The following ITGA1 variants were observed in gnomAD, a reference collection of about 807,000 sequenced individuals.
ITGA1 encodes the protein integrin subunit alpha 1, also known as integrin alpha-1.
In ITGA1, 85 loss-of-function variants were observed where a neutral mutation model predicts 145.9. That is an observed-to-expected ratio of 0.58 (90% CI 0.49 to 0.70). ITGA1 has a LOEUF of 0.70. Ranked by LOEUF, ITGA1 falls within the 30% of genes least tolerant of loss-of-function variation. The probability of loss-of-function intolerance (pLI) is 0.00; values close to 1 mark genes in which losing one functional copy is unlikely to be tolerated. For synonymous variants in ITGA1, 520 were observed against 495.3 expected, an observed-to-expected ratio of 1.05 and a Z score of -0.66; for missense variants, 1,351 against 1,418.7, an observed-to-expected ratio of 0.95 and a Z score of 0.77.
chr5:52,937,489 AC>A lies in ITGA1; in HGVS notation c.3056del (p.Pro1019GlnfsTer29). The A allele has an allele frequency of 6.2e-7, 1 of 1,609,936 alleles. No homozygotes were observed. Among genetic ancestry groups the A allele is most frequent in the Non-Finnish European group, 8.5e-7 (1 of 1,176,218 alleles). On this transcript the variant is annotated frameshift_variant, in exon 24 of 29. Coordinates refer to ENST00000282588, the MANE Select transcript of ITGA1 (RefSeq NM_181501.2). LOFTEE classifies it high-confidence loss of function. ...ACATCAAATGGTTACCCTGTGCTGT[AC>A]CCAACTGGATTGTCATCTTCTGAGG... ...NMTSNGYPVL[Y>X]PTGLSSSENA... is the part of the protein sequence containing the mutation.
chr5:52,902,777 G>T (rs544062487), intron 11 of ITGA1: 1 of 152,166 alleles, frequency 6.6e-6, no homozygotes, highest in African/African-American at 2.4e-5. Flanking sequence ...GTTTCATCAT[G>T]TTGGCCAGAC....
At chr5:52,930,459 G>C (rs1750878229) in intron 21 of ITGA1, among the ~76,000 whole-genome samples, 1 of 152,036 alleles carries the variant, frequency 6.6e-6, no homozygotes, top group East Asian at 1.9e-4. Context: ...ATTACTAAGG[G>C]CATGAAACTC....
In ITGA1 at chr5:52,925,343, C is replaced by T. The variant is rs1324995506; in HGVS notation, c.2469C>T (p.Ala823=). 1 of 1,614,100 alleles carries T rather than the reference C, an allele frequency of 6.2e-7. No homozygotes were observed. The highest frequency in any genetic ancestry group is 1.7e-5 in the Admixed American group (1 of 60,026). ...KCISDLSLHV[A]TTEKDLLIVR... ...TCTCAGACCTCAGCCTGCATGTCGC[C>T]ACCACTGAAAAGGACCTGCTGATTG... Residue 823 remains alanine, a synonymous_variant, in exon 19 of 29, where the codon GCC becomes GCT. Transcript: ENST00000282588.
At chr5:52,884,214 C>A (rs901934481) in intron 7 of ITGA1, among the ~76,000 whole-genome samples, 2 of 151,976 alleles carry the variant, frequency 1.3e-5, no homozygotes, top group South Asian at 2.1e-4. Flanking sequence ...GAGTCTGAGG[C>A]GGCTGGATCA....
At chr5:52,836,878 C>A (rs1187987882) in intron 1 of ITGA1, among the ~76,000 whole-genome samples, 5 of 151,870 alleles carry the variant, frequency 3.3e-5, no homozygotes, top group African/African-American at 1.2e-4. Context: ...CCTGTTACTA[C>A]GTCTTCAAAT....
chr5:52,856,575 T>C (rs1458038871), intron 2 of ITGA1, among the ~76,000 whole-genome samples: 6 of 152,060 alleles, frequency 3.9e-5, no homozygotes, highest in Non-Finnish European at 7.4e-5. Context: ...GTATGCCTTA[T>C]CAGTTTAAAT....
In ITGA1 at chr5:52,881,956, A is replaced by C; in HGVS notation, c.708A>C (p.Ala236=). ...CTTCCACCGAAGAGGTACTTGTTGC[A>C]GCAAAGAAAATAGTCCAGAGAGGTG... ...KYSSTEEVLV[A]AKKIVQRGGR... The change falls in exon 7 of 29, where the codon GCA becomes GCC. Residue 236 remains alanine, a synonymous_variant. Coordinates refer to ENST00000282588, the MANE Select transcript of ITGA1 (RefSeq NM_181501.2). The C allele has an allele frequency of 6.2e-7, 1 of 1,614,040 alleles. No homozygotes were observed. The highest frequency in any genetic ancestry group is 8.5e-7 in the Non-Finnish European group (1 of 1,179,916).
intron 23 of ITGA1, among the ~76,000 whole-genome samples, chr5:52,936,896 G>A (rs1419727593): frequency 6.6e-6 from 1 of 150,466 alleles, no homozygotes; most frequent in East Asian, 2.0e-4. Context: ...ATGGGAGTCT[G>A]GTTTTCCTGT....
intron 18 of ITGA1, among the ~76,000 whole-genome samples, chr5:52,924,671 G>C (rs1246697395): frequency 6.6e-6 from 1 of 152,180 alleles, no homozygotes; most frequent in Non-Finnish European, 1.5e-5. Flanking sequence ...GGAGCCCCGT[G>C]GGAAGCTATT....
At chr5:52,823,364 C>A (rs1000438896) in intron 1 of ITGA1, among the ~76,000 whole-genome samples, 4 of 152,096 alleles carry the variant, frequency 2.6e-5, no homozygotes, top group African/African-American at 9.7e-5. Flanking sequence ...GCCACCATGC[C>A]CAGCTAATTT....
At chr5:52,938,980 G>A (rs1040564619) in intron 24 of ITGA1, among the ~76,000 whole-genome samples, 10 of 151,948 alleles carry the variant, frequency 6.6e-5, no homozygotes, top group African/African-American at 2.4e-4. Flanking sequence ...TTGGCTTACT[G>A]CAACCTCCTC....
chr5:52,829,377 A>C (rs1395532771), intron 1 of ITGA1, among the ~76,000 whole-genome samples: 1 of 152,148 alleles, frequency 6.6e-6, no homozygotes, highest in Non-Finnish European at 1.5e-5. Flanking sequence ...AAAAGTAATA[A>C]TGATAATAAA....
chr5:52,940,005 C>A, intron 26 of ITGA1, 61 bp downstream of exon 26: 1 of 987,690 alleles, frequency 1.0e-6, no homozygotes, highest in Non-Finnish European at 1.6e-6. Context: ...TCATTTACCA[C>A]TTAGAATATG....
intron 2 of ITGA1, among the ~76,000 whole-genome samples, chr5:52,856,680 C>CAGAGAG (rs137879951): frequency 6.1e-5 from 9 of 148,314 alleles, no homozygotes; most frequent in Admixed American, 2.7e-4. Context: ...GAAAAAGAGA[C>CAGAGAG]AGAGAGAGAG....
chr5:52,876,439 G>A (rs1300501620), intron 6 of ITGA1, among the ~76,000 whole-genome samples: 7 of 152,084 alleles, frequency 4.6e-5, no homozygotes, highest in Non-Finnish European at 2.9e-5. Flanking sequence ...TACTCTTTCT[G>A]GTTCCTAAGA....
At chr5:52,938,770 T>G (rs1242309761) in intron 24 of ITGA1, among the ~76,000 whole-genome samples, 3 of 152,308 alleles carry the variant, frequency 2.0e-5, no homozygotes, top group African/African-American at 7.2e-5. Context: ...CTACCTCCCA[T>G]GTAGACTGAG....
chr5:52,941,869 G>A (rs1046239959), intron 26 of ITGA1, among the ~76,000 whole-genome samples: 4 of 151,534 alleles, frequency 2.6e-5, no homozygotes, highest in African/African-American at 9.8e-5. Flanking sequence ...TGTCAGAGAG[G>A]GTATTTCCTA....
Position 52,910,424 on chromosome 5 carries a change from G to C in ITGA1, c.1857+5G>C, listed in dbSNP as rs952486600. The C allele has an allele frequency of 2.5e-6, 4 of 1,607,594 alleles. No individual in the cohort carries two copies. The highest frequency in any genetic ancestry group is 3.4e-6 in the Non-Finnish European group (4 of 1,174,872). On this transcript the variant is annotated splice_donor_5th_base_variant and intron_variant, in intron 14 of 28. Coordinates refer to ENST00000282588, the MANE Select transcript of ITGA1 (RefSeq NM_181501.2). ...ATAAGGAAAGAGTATGCACAAGTAA[G>C]AATTGAAACCTACAGATTCCCACCC...
At chr5:52,904,913 G>A (rs1579709224) in intron 11 of ITGA1, 1 of 150,948 alleles carries the variant, frequency 6.6e-6, no homozygotes, top group Admixed American at 6.6e-5. Context: ...GCTCTGTGTT[G>A]AATAAAGTCA....
Sources: allele counts gnomAD v4.1 joint callset (sites outside exome capture counted in the v4.1 genomes callset), GRCh38; gene constraint gnomAD v4.1.1; transcripts MANE v1.5; gene names NCBI Gene and HGNC (gene_info 2026-07-23, HGNC 2026-07-21).